NLGN1: variants seen among roughly 807,000 people sequenced by gnomAD.
NLGN1 encodes the protein neuroligin 1, also known as neuroligin-1.
A neutral mutation model predicts 65.5 loss-of-function variants in NLGN1; 12 were observed. The ratio of observed to expected loss-of-function variants is 0.18; its 90% confidence interval spans 0.12 to 0.30. The LOEUF is 0.30. NLGN1 is among the 10% of genes least tolerant of loss of function. The pLI is 1.00. For synonymous variants in NLGN1, 350 were observed against 359.5 expected (o/e 0.97, Z 0.30); for missense variants, 750 against 1,007.1 (o/e 0.74, Z 3.46).
At chr3:173,993,195 A>C (rs1337905979) in intron 4 of NLGN1, among the ~76,000 whole-genome samples, 1 of 152,222 alleles carries the variant, frequency 6.6e-6, no homozygotes, top group African/African-American at 2.4e-5. Flanking sequence ...GTATTCAGTG[A>C]TATAACAGCT....
intron 4 of NLGN1, among the ~76,000 whole-genome samples, chr3:174,019,884 C>G (rs1438179734): frequency 6.6e-6 from 1 of 151,888 alleles, no homozygotes; most frequent in Non-Finnish European, 1.5e-5. Flanking sequence ...AACAATATAC[C>G]TTGACTCTCA....
intron 3 of NLGN1, among the ~76,000 whole-genome samples, chr3:173,639,273 G>A (rs922110581): frequency 6.6e-6 from 1 of 152,310 alleles, no homozygotes; most frequent in South Asian, 2.1e-4. Flanking sequence ...ATGGAATGAG[G>A]CAGTCATTTG....
chr3:173,863,194 CT>C (rs1303353276), intron 4 of NLGN1, among the ~76,000 whole-genome samples: 8 of 150,550 alleles, frequency 5.3e-5, no homozygotes, highest in Non-Finnish European at 1.2e-4. Context: ...ATATATGTTC[CT>C]TTTTTAAGTT....
intron 4 of NLGN1, among the ~76,000 whole-genome samples, chr3:174,143,696 G>C (rs1028736771): frequency 1.3e-5 from 2 of 152,098 alleles, no homozygotes; most frequent in Non-Finnish European, 2.9e-5. Context: ...AATAGTCTAT[G>C]TATAAAATTA....
chr3:174,235,701 A>G (rs1056438247), intron 4 of NLGN1, among the ~76,000 whole-genome samples: 33 of 152,168 alleles, frequency 2.2e-4, no homozygotes, highest in African/African-American at 8.0e-4. Flanking sequence ...CCTTTTAAAA[A>G]TGTGGATTTG....
chr3:174,050,282 G>C (rs1320358435), intron 4 of NLGN1, among the ~76,000 whole-genome samples: 1 of 152,054 alleles, frequency 6.6e-6, no homozygotes, highest in African/African-American at 2.4e-5. Context: ...TTGACATTAA[G>C]GTGTCAATTT....
chr3:173,937,973 C>A (rs2152301790), intron 4 of NLGN1, among the ~76,000 whole-genome samples: 1 of 152,224 alleles, frequency 6.6e-6, no homozygotes, highest in East Asian at 1.9e-4. Flanking sequence ...AACAATCCAT[C>A]TGGGTTTATA....
At chr3:174,272,148 A>G (rs1192692139) in intron 4 of NLGN1, among the ~76,000 whole-genome samples, 4 of 151,744 alleles carry the variant, frequency 2.6e-5, no homozygotes, top group Admixed American at 1.3e-4. Flanking sequence ...AAGTGACATT[A>G]AAGGAAAAGC....
intron 3 of NLGN1, among the ~76,000 whole-genome samples, chr3:173,788,165 T>C (rs1440617400): frequency 6.8e-6 from 1 of 146,712 alleles, no homozygotes; most frequent in Non-Finnish European, 1.5e-5. Flanking sequence ...AAATTTTCTG[T>C]ATTTTTTTTC....
chr3:173,692,131 A>C (rs1765560676), intron 3 of NLGN1, among the ~76,000 whole-genome samples: 2 of 152,124 alleles, frequency 1.3e-5, no homozygotes, highest in African/African-American at 4.8e-5. Context: ...CATCATTATA[A>C]TTCTCTTTTC....
At chr3:174,192,570 G>T (rs1732594080) in intron 4 of NLGN1, among the ~76,000 whole-genome samples, 1 of 151,986 alleles carries the variant, frequency 6.6e-6, no homozygotes, top group South Asian at 2.1e-4. Context: ...CATTGGACTG[G>T]CTCCCAGAGA....
chr3:174,039,555 C>T (rs1218634028), intron 4 of NLGN1, among the ~76,000 whole-genome samples: 1 of 152,104 alleles, frequency 6.6e-6, no homozygotes, highest in East Asian at 1.9e-4. Context: ...TTTTCATTGG[C>T]TCTCCATGAT....
chr3:173,447,196 A>G (rs1185006422), intron 2 of NLGN1, among the ~76,000 whole-genome samples: 2 of 152,188 alleles, frequency 1.3e-5, no homozygotes, highest in African/African-American at 4.8e-5. Context: ...TTATGGTTTT[A>G]GGTCTAACAT....
intron 4 of NLGN1, among the ~76,000 whole-genome samples, chr3:174,170,687 A>G (rs1435765314): frequency 6.6e-6 from 1 of 152,230 alleles, no homozygotes; most frequent in African/African-American, 2.4e-5. Context: ...TTTTAAACAT[A>G]TGGCACTAGC....
chr3:173,709,803 C>CAAAAAAAAAAAAAAAAAAAAAAA (rs59998502), intron 3 of NLGN1, among the ~76,000 whole-genome samples: 1 of 69,276 alleles, frequency 1.4e-5, no homozygotes. Context: ...AACTCTATCT[C>CAAAAAAAAAAAAAAAAAAAAAAA]AAAAAAAAAA....
At chr3:174,271,981 A>T (rs913137464) in intron 4 of NLGN1, among the ~76,000 whole-genome samples, 1 of 151,724 alleles carries the variant, frequency 6.6e-6, no homozygotes, top group African/African-American at 2.4e-5. Flanking sequence ...TTTTTCTGAA[A>T]AGGAAAAGAG....
At chr3:174,080,432 G>A (rs760845227) in intron 4 of NLGN1, among the ~76,000 whole-genome samples, 1 of 152,198 alleles carries the variant, frequency 6.6e-6, no homozygotes, top group Non-Finnish European at 1.5e-5. Flanking sequence ...GGCCTAGCAG[G>A]CGACTTAAGA....
intron 2 of NLGN1, among the ~76,000 whole-genome samples, chr3:173,475,214 G>A (rs887290797): frequency 3.3e-5 from 5 of 151,924 alleles, no homozygotes; most frequent in African/African-American, 9.7e-5. Context: ...CTAAACTAAC[G>A]TTATTTCAAT....
rs1041572927 is a variant in NLGN1, at chr3:173,901,367, G to C, written c.646+93535G>C. Among the ~76,000 whole-genome samples the C allele has an allele frequency of 6.7e-5, 10 of 149,446 alleles. No homozygotes were observed. The South Asian group carries it at 2.1e-3, about 32-fold the overall frequency. ...TTTGAAAAACTAGTATTTTTTTTGGGGGGGTGTGTGTGTGTGTGTTTAAAA... is the reference window on the plus strand; with the variant it reads ...TTTGAAAAACTAGTATTTTTTTTGGCGGGGTGTGTGTGTGTGTGTTTAAAA... On this transcript the variant is annotated intron_variant, in intron 4 of 6. Transcript: ENST00000457714.
Sources: gnomAD v4.1 joint callset for allele counts (sites outside exome capture counted in the v4.1 genomes callset) on GRCh38, gnomAD v4.1.1 for gene constraint, MANE v1.5 for transcripts, NCBI Gene and HGNC (gene_info 2026-07-23, HGNC 2026-07-21) for gene names.